The following DUSP13B variants were observed in gnomAD, a reference collection of about 807,000 sequenced individuals.
DUSP13B encodes the protein dual specificity phosphatase 13B, also known as dual specificity protein phosphatase 13B.
chr10:75,107,313 C>A, the DUSP13B span, among the ~76,000 whole-genome samples: 1 of 150,802 alleles, frequency 6.6e-6, no homozygotes, highest in Admixed American at 6.6e-5. Context: ...CGCCACTGCA[C>A]TCCAGCTTGG....
At chr10:75,103,805 T>TCTCTC in the DUSP13B span, 3 of 1,065,080 alleles carry the variant, frequency 2.8e-6, no homozygotes, top group Non-Finnish European at 3.7e-6. Flanking sequence ...ACCCCCTTCC[T>TCTCTC]CTCTCCTCCC....
the DUSP13B span, among the ~76,000 whole-genome samples, chr10:75,100,940 G>A: frequency 6.6e-6 from 1 of 152,220 alleles, no homozygotes; most frequent in Non-Finnish European, 1.5e-5. Flanking sequence ...GCAGCTGTTT[G>A]CCATCCACCT....
the DUSP13B span, among the ~76,000 whole-genome samples, chr10:75,095,202 C>G: frequency 1.3e-5 from 2 of 152,162 alleles, no homozygotes; most frequent in Admixed American, 1.3e-4. Context: ...TAGGGGGTGT[C>G]CATCTACCTC....
chr10:75,104,957 C>T, the DUSP13B span, among the ~76,000 whole-genome samples: 1 of 152,092 alleles, frequency 6.6e-6, no homozygotes, highest in African/African-American at 2.4e-5. Flanking sequence ...TACTGCTGTT[C>T]CAGCTCCCAA....
chr10:75,105,726 G>A, the DUSP13B span: 3 of 1,554,330 alleles, frequency 1.9e-6, no homozygotes, highest in Admixed American at 3.9e-5. Flanking sequence ...GGTGCAGGAA[G>A]CCTCGGTTGG....
chr10:75,105,515 G>A, the DUSP13B span: 3 of 829,200 alleles, frequency 3.6e-6, no homozygotes, highest in Admixed American at 7.8e-5. Flanking sequence ...TTTGGAGAGA[G>A]GGCCAGGCCC....
the DUSP13B span, chr10:75,108,273 C>T: frequency 6.5e-7 from 1 of 1,526,920 alleles, no homozygotes; most frequent in East Asian, 2.3e-5. Context: ...GAGGCTGTGC[C>T]TGGCCCCCTG....
the DUSP13B span, chr10:75,108,281 C>G: frequency 2.6e-6 from 4 of 1,520,986 alleles, no homozygotes; most frequent in Non-Finnish European, 3.5e-6. Flanking sequence ...GCCTGGCCCC[C>G]TGCTGCAGAG....
chr10:75,094,930 C>A, the DUSP13B span: 30 of 1,550,422 alleles, frequency 1.9e-5, no homozygotes, highest in Middle Eastern at 1.7e-4. Flanking sequence ...ACCACCCACC[C>A]CTTTGGGAAG....
the DUSP13B span, chr10:75,099,538 G>A: frequency 3.1e-5 from 38 of 1,231,542 alleles, no homozygotes; most frequent in South Asian, 1.1e-3. Context: ...ACTGTGAAGC[G>A]GCTAGAATTC....
At chr10:75,094,723 G>T in the DUSP13B span, 1 of 1,614,186 alleles carries the variant, frequency 6.2e-7, no homozygotes, top group South Asian at 1.1e-5. Flanking sequence ...AGAACCTGGA[G>T]CTGCCGGAGG....
At chr10:75,105,368 G>T in the DUSP13B span, among the ~76,000 whole-genome samples, 2 of 152,128 alleles carry the variant, frequency 1.3e-5, no homozygotes, top group Non-Finnish European at 2.9e-5. Context: ...CCACACCCTC[G>T]CATCCTAGTC....
At chr10:75,099,228 G>A in the DUSP13B span, 21 of 1,232,274 alleles carry the variant, frequency 1.7e-5, no homozygotes, top group Non-Finnish European at 2.0e-5. Context: ...AGTGACTAGG[G>A]AAGGTGCATA....
At chr10:75,107,143 C>T in the DUSP13B span, among the ~76,000 whole-genome samples, 1 of 152,190 alleles carries the variant, frequency 6.6e-6, no homozygotes, top group African/African-American at 2.4e-5. Context: ...CGAGACCAGC[C>T]TCGCCAACAT....
chr10:75,095,659 C>T, the DUSP13B span: 1,033 of 1,614,096 alleles, frequency 6.4e-4, no homozygotes, highest in Non-Finnish European at 8.3e-4. Context: ...TTGTCGTCCG[C>T]CTCGATGCCA....
the DUSP13B span, chr10:75,104,012 T>G: frequency 1.5e-6 from 2 of 1,359,858 alleles, no homozygotes; most frequent in Admixed American, 3.9e-5. Context: ...TGTGTCCGCC[T>G]GGGCCAGAGC....
chr10:75,109,115 C>A, the DUSP13B span: 1 of 1,611,086 alleles, frequency 6.2e-7, no homozygotes, highest in Non-Finnish European at 8.5e-7. Context: ...CAAGGCGTGG[C>A]TTTGTCCTCT....
the DUSP13B span, chr10:75,099,129 C>CGGCACCAGAATT: frequency 2.4e-6 from 3 of 1,232,278 alleles, no homozygotes; most frequent in Non-Finnish European, 3.0e-6. Flanking sequence ...CCCTGCGGAG[C>CGGCACCAGAATT]TGGATTTTCA....
At chr10:75,102,303 C>A in the DUSP13B span, among the ~76,000 whole-genome samples, 1 of 152,114 alleles carries the variant, frequency 6.6e-6, no homozygotes, top group African/African-American at 2.4e-5. Context: ...GCTAGCCGGG[C>A]GTGGTGGTGG....
Sources: gnomAD v4.1 joint callset for allele counts (sites outside exome capture counted in the v4.1 genomes callset) on GRCh38, gnomAD v4.1.1 for gene constraint, MANE v1.5 for transcripts, NCBI Gene and HGNC (gene_info 2026-07-23, HGNC 2026-07-21) for gene names.